STAG1: variants seen among roughly 807,000 people sequenced by gnomAD.
STAG1 encodes cohesin subunit SA-1.
STAG1 carries 26 observed loss-of-function variants against 170.9 expected under a neutral mutation model. The observed-to-expected ratio is 0.15, with a 90% confidence interval of 0.11 to 0.21. The LOEUF is 0.21. Among genes scored for constraint, STAG1 ranks in the 10% least tolerant of loss-of-function variants. The probability of loss-of-function intolerance (pLI) is 1.00; values close to 1 mark genes in which losing one functional copy is unlikely to be tolerated. For missense variants in STAG1, 964 were observed against 1,509.5 expected, an observed-to-expected ratio of 0.64 and a Z score of 5.99; for synonymous variants, 514 against 497.7, an observed-to-expected ratio of 1.03 and a Z score of -0.44.
intron 15 of STAG1, among the ~76,000 whole-genome samples, chr3:136,440,287 G>A (rs975138424): frequency 3.3e-4 from 50 of 151,914 alleles, no homozygotes; most frequent in African/African-American, 9.9e-4. Flanking sequence ...ACAGGCGCCC[G>A]CCACCAGGCC....
At chr3:136,667,998 C>A (rs1941850685) in intron 1 of STAG1, among the ~76,000 whole-genome samples, 1 of 151,590 alleles carries the variant, frequency 6.6e-6, no homozygotes, top group African/African-American at 2.4e-5. Context: ...ACCATCCTGG[C>A]CAACTGGTAG....
chr3:136,683,234 C>T (rs111477582), intron 1 of STAG1, among the ~76,000 whole-genome samples: 7 of 151,406 alleles, frequency 4.6e-5, no homozygotes, highest in African/African-American at 1.5e-4. Context: ...TTAAAAATAA[C>T]TAAGATAGTA....
chr3:136,529,800 A>C (rs550664909), intron 6 of STAG1, among the ~76,000 whole-genome samples: 7 of 152,316 alleles, frequency 4.6e-5, no homozygotes, highest in African/African-American at 1.7e-4. Flanking sequence ...AACAAAGAAA[A>C]ACAATAGGAG....
At chr3:136,375,006 T>A (rs1052709810) in intron 23 of STAG1, among the ~76,000 whole-genome samples, 1 of 152,170 alleles carries the variant, frequency 6.6e-6, no homozygotes, top group Non-Finnish European at 1.5e-5. Context: ...CAGTATAGTA[T>A]TATACAGTAC....
chr3:136,422,627 A>C lies in STAG1; in HGVS notation c.1834-14T>G, dbSNP rs1331151339. 1.2e-6 allele frequency: 2 copies of C among 1,600,426 alleles called. No homozygotes were observed. The highest frequency in any genetic ancestry group is 1.7e-6 in the Non-Finnish European group (2 of 1,176,484). ...AGCATCCAGATGCTGAGGAGACAAA[A>C]AAAGAAAAACTGTAATATTTAGGTT... On this transcript the variant is annotated splice_polypyrimidine_tract_variant and intron_variant, in intron 18 of 33. Transcript: ENST00000383202.
intron 29 of STAG1, chr3:136,348,889 G>C: frequency 2.2e-6 from 1 of 458,304 alleles, no homozygotes; most frequent in Non-Finnish European, 4.0e-6. Flanking sequence ...GAGGCATATA[G>C]TATGGGGATT....
chr3:136,365,909 T>C (rs1937056634), intron 25 of STAG1, among the ~76,000 whole-genome samples: 1 of 151,766 alleles, frequency 6.6e-6, no homozygotes, highest in South Asian at 2.1e-4. Context: ...ATATTTATGC[T>C]GCTGTCTTGG....
intron 1 of STAG1, among the ~76,000 whole-genome samples, chr3:136,633,729 G>A (rs1700705618): frequency 1.4e-5 from 2 of 142,738 alleles, no homozygotes; most frequent in Non-Finnish European, 3.1e-5. Flanking sequence ...GGGGGGTCAG[G>A]GGCACAGATA....
At chr3:136,485,525 C>G (rs536968899) in intron 9 of STAG1, among the ~76,000 whole-genome samples, 1 of 152,140 alleles carries the variant, frequency 6.6e-6, no homozygotes, top group South Asian at 2.1e-4. Context: ...ACTGAACATG[C>G]GTGGGACAAG....
chr3:136,739,773 G>A (rs575673230), intron 1 of STAG1, among the ~76,000 whole-genome samples: 1 of 151,852 alleles, frequency 6.6e-6, no homozygotes, highest in African/African-American at 2.4e-5. Flanking sequence ...GCAGTGAGCC[G>A]AGATCGCGCC....
intron 1 of STAG1, among the ~76,000 whole-genome samples, chr3:136,687,718 G>A (rs1394564381): frequency 3.3e-5 from 5 of 151,580 alleles, no homozygotes; most frequent in Admixed American, 3.3e-4. Context: ...GAAAAATGAA[G>A]GTATCTAAGA....
At chr3:136,661,216 T>C (rs1941568456) in intron 1 of STAG1, among the ~76,000 whole-genome samples, 1 of 152,228 alleles carries the variant, frequency 6.6e-6, no homozygotes, top group Non-Finnish European at 1.5e-5. Flanking sequence ...AACTAACTCC[T>C]GTGTCCTAAA....
intron 3 of STAG1, among the ~76,000 whole-genome samples, chr3:136,620,641 G>C (rs575246849): frequency 1.3e-3 from 200 of 152,314 alleles, no homozygotes; most frequent in Non-Finnish European, 2.5e-3. Context: ...TCAGGAAGTT[G>C]TTTATGTTAC....
chr3:136,423,068 G>T, intron 16 of STAG1, 24 bp from the exon 17 acceptor site: 1 of 1,494,302 alleles, frequency 6.7e-7, no homozygotes, highest in South Asian at 1.2e-5. Flanking sequence ...CGGAAAAGAA[G>T]AAGAGTATTG....
intron 9 of STAG1, among the ~76,000 whole-genome samples, chr3:136,491,157 G>A (rs549062711): frequency 4.6e-5 from 7 of 151,986 alleles, no homozygotes; most frequent in South Asian, 2.1e-4. Flanking sequence ...TTGCTCTGTC[G>A]TTCAGGCTGG....
At chr3:136,628,942 T>C (rs1940217893) in intron 2 of STAG1, among the ~76,000 whole-genome samples, 1 of 152,218 alleles carries the variant, frequency 6.6e-6, no homozygotes, top group South Asian at 2.1e-4. Context: ...GTGGTCTTTA[T>C]AGTGTCTACA....
intron 1 of STAG1, among the ~76,000 whole-genome samples, chr3:136,636,452 A>T (rs1576697034): frequency 6.6e-6 from 1 of 152,300 alleles, no homozygotes; most frequent in East Asian, 1.9e-4. Context: ...CTCATTTACT[A>T]TTTTTAATGG....
intron 5 of STAG1, among the ~76,000 whole-genome samples, chr3:136,563,220 TTCA>T (rs1936914398): frequency 6.6e-6 from 1 of 152,220 alleles, no homozygotes; most frequent in South Asian, 2.1e-4. Flanking sequence ...TATTGTGCTC[TTCA>T]TCAAACTTCT....
In STAG1 at chr3:136,495,572, T is replaced by A. The variant is rs535763584; in HGVS notation, c.902+4651A>T. On this transcript the variant is annotated intron_variant, in intron 9 of 33. Transcript: ENST00000383202. ...GGCATGGATGGCACGGTGGCTCATG[T>A]CTGTAATCCCAGCACTTTGGGAGGC... Among the ~76,000 whole-genome samples, 4 of 151,994 alleles carry A rather than the reference T, an allele frequency of 2.6e-5. No homozygotes were observed. The South Asian group carries it at 8.3e-4, about 32-fold the overall frequency.
Sources: gnomAD v4.1 joint callset for allele counts (sites outside exome capture counted in the v4.1 genomes callset) on GRCh38, gnomAD v4.1.1 for gene constraint, MANE v1.5 for transcripts, NCBI Gene and HGNC (gene_info 2026-07-23, HGNC 2026-07-21) for gene names.